Variants in BNC2 observed in about 807,000 individuals in gnomAD.
The protein encoded by BNC2 is basonuclin zinc finger protein 2, also known as zinc finger protein basonuclin-2.
Under a neutral mutation model 76.3 loss-of-function variants are expected in BNC2, and 20 were observed. That is an observed-to-expected ratio of 0.26 (90% CI 0.18 to 0.38). BNC2 has a LOEUF of 0.38. Ranked by LOEUF, BNC2 falls within the 10% of genes least tolerant of loss-of-function variation. The pLI, the probability that BNC2 is intolerant of heterozygous loss-of-function variation, is 1.00. For synonymous variants in BNC2, 582 were observed against 514.8 expected (o/e 1.13, Z -1.77); for missense variants, 1,382 against 1,399.8 (o/e 0.99, Z 0.20).
chr9:16,602,966 A>G (rs1358666733), intron 3 of BNC2, among the ~76,000 whole-genome samples: 3 of 152,240 alleles, frequency 2.0e-5, no homozygotes, highest in Non-Finnish European at 4.4e-5. Flanking sequence ...CTTACTGTAT[A>G]TATTAAAAGC....
At chr9:16,675,561 C>A (rs1563892914) in intron 3 of BNC2, among the ~76,000 whole-genome samples, 1 of 152,122 alleles carries the variant, frequency 6.6e-6, no homozygotes, top group South Asian at 2.1e-4. Flanking sequence ...CTGTGCCTGG[C>A]CTAATTTTCG....
chr9:16,845,763 C>T lies in BNC2; in HGVS notation c.3+24883G>A, dbSNP rs148155789. Among the ~76,000 whole-genome samples, 39 of 152,146 alleles carry T rather than the reference C, an allele frequency of 2.6e-4. 1 individual carries two copies. Among genetic ancestry groups the T allele is most frequent in the Admixed American group, 1.3e-3 (20 of 15,270 alleles). Reference sequence around the variant, plus strand: ...AAATAGGAAAATTATACCAAGAATCCAAACCCCACGTTCCAGAACACAAAA... The same window carrying T: ...AAATAGGAAAATTATACCAAGAATCTAAACCCCACGTTCCAGAACACAAAA... On this transcript the variant is annotated intron_variant, in intron 1 of 6. Transcript: ENST00000380672.
chr9:16,868,960 G>A (rs10962648), intron 1 of BNC2, among the ~76,000 whole-genome samples: 4 of 152,112 alleles, frequency 2.6e-5, no homozygotes, highest in Non-Finnish European at 4.4e-5. Context: ...TGAAATTGCA[G>A]AATACAAAGC....
chr9:16,446,179 C>T (rs1821227488), intron 5 of BNC2, among the ~76,000 whole-genome samples: 1 of 152,112 alleles, frequency 6.6e-6, no homozygotes, highest in South Asian at 2.1e-4. Flanking sequence ...AACTACTGAC[C>T]TTGGCTCACT....
chr9:16,633,034 G>C (rs894293878), intron 3 of BNC2, among the ~76,000 whole-genome samples: 1 of 152,076 alleles, frequency 6.6e-6, no homozygotes, highest in Non-Finnish European at 1.5e-5. Context: ...GCATGAAGAG[G>C]AGCCTATCTA....
intron 1 of BNC2, chr9:16,775,605 T>G: frequency 5.6e-6 from 1 of 178,828 alleles, no homozygotes; most frequent in Non-Finnish European, 1.3e-5. Context: ...GCTCAAGGAA[T>G]GGAAAGACCT....
intron 5 of BNC2, among the ~76,000 whole-genome samples, chr9:16,445,359 T>C (rs932763409): frequency 3.3e-5 from 5 of 152,200 alleles, no homozygotes; most frequent in Admixed American, 1.3e-4. Context: ...AGCTCTTTTA[T>C]GTGACTGTGC....
chr9:16,601,368 G>C (rs1472818719), intron 3 of BNC2, among the ~76,000 whole-genome samples: 2 of 152,294 alleles, frequency 1.3e-5, no homozygotes, highest in African/African-American at 4.8e-5. Flanking sequence ...TGTGGTACCA[G>C]AAGAGGCAGG....
rs1409933361 is a variant in BNC2 at position 16,417,338 on chromosome 9, G to A, written c.*1651C>T. ...CAAAACAAAACAAAAAAGGTTTGGAGAATAGTCTCTCTCCTCTTTCTCACT... is the reference window on the plus strand; with the variant it reads ...CAAAACAAAACAAAAAAGGTTTGGAAAATAGTCTCTCTCCTCTTTCTCACT... On this transcript the variant is annotated 3_prime_UTR_variant, in exon 7 of 7. Transcript: ENST00000380672. 6.6e-6 allele frequency: 1 copy of A among 152,498 alleles called. No homozygotes were observed. 9.4% of individuals were successfully genotyped at this position (152,498 alleles called of 1,614,324 possible).
intron 1 of BNC2, among the ~76,000 whole-genome samples, chr9:16,803,844 C>CT (rs1355206886): frequency 6.6e-6 from 1 of 152,232 alleles, no homozygotes; most frequent in East Asian, 1.9e-4. Flanking sequence ...TATCAGCACT[C>CT]TAAGGAGTGC....
At chr9:16,569,519 C>T (rs935768311) in intron 4 of BNC2, among the ~76,000 whole-genome samples, 2 of 152,072 alleles carry the variant, frequency 1.3e-5, no homozygotes, top group Non-Finnish European at 2.9e-5. Context: ...TGTGGCCTTA[C>T]GCATAATAAA....
At chr9:16,423,830 CT>C (rs1820753362) in intron 6 of BNC2, among the ~76,000 whole-genome samples, 1 of 152,182 alleles carries the variant, frequency 6.6e-6, no homozygotes, top group African/African-American at 2.4e-5. Flanking sequence ...CAAATGCTTC[CT>C]TTAAACCTCT....
chr9:16,834,399 T>C lies in BNC2; in HGVS notation c.3+36247A>G, dbSNP rs143687009. 7.4e-3 allele frequency among the ~76,000 whole-genome samples: 1,122 copies of C among 152,290 alleles called. 10 individuals are homozygous for C. Among genetic ancestry groups the C allele is most frequent in the Non-Finnish European group, 0.012 (802 of 68,026 alleles). ...AACTGTAGCCACTTAATACTCCTCC[T>C]TTCCCTGTGTTGGTAGCAATGACAG... On this transcript the variant is annotated intron_variant, in intron 1 of 6. Transcript: ENST00000380672.
At chr9:16,569,059 T>C (rs188996556) in intron 4 of BNC2, among the ~76,000 whole-genome samples, 2 of 150,738 alleles carry the variant, frequency 1.3e-5, no homozygotes, top group Non-Finnish European at 2.9e-5. Context: ...GCTAAAAGAG[T>C]TGATCCCCAA....
chr9:16,836,485 T>G (rs752281144), intron 1 of BNC2, among the ~76,000 whole-genome samples: 10 of 151,980 alleles, frequency 6.6e-5, no homozygotes, highest in Non-Finnish European at 1.5e-4. Context: ...GTCTTGATTT[T>G]TAAAACTTTG....
intron 1 of BNC2, chr9:16,867,649 A>T (rs574013279): frequency 6.6e-6 from 1 of 152,324 alleles, no homozygotes; most frequent in Non-Finnish European, 1.5e-5. Context: ...CCTTAATATA[A>T]GAAATATTCC....
chr9:16,444,609 C>A (rs952385514), intron 5 of BNC2, among the ~76,000 whole-genome samples: 8 of 152,016 alleles, frequency 5.3e-5, no homozygotes, highest in African/African-American at 1.7e-4. Flanking sequence ...AAACTTCTAG[C>A]TAGGGGTCAG....
At chr9:16,562,473 T>C (rs1003762927) in intron 4 of BNC2, among the ~76,000 whole-genome samples, 2 of 152,170 alleles carry the variant, frequency 1.3e-5, no homozygotes, top group Admixed American at 6.5e-5. Context: ...TTACCTAATT[T>C]CTTTCAGAAA....
chr9:16,459,264 G>C (rs1446433054), intron 5 of BNC2, among the ~76,000 whole-genome samples: 1 of 152,110 alleles, frequency 6.6e-6, no homozygotes, highest in Admixed American at 6.5e-5. Context: ...CTCTACAAAA[G>C]AGTTTCATGC....
Sources: allele counts gnomAD v4.1 joint callset (sites outside exome capture counted in the v4.1 genomes callset), GRCh38; gene constraint gnomAD v4.1.1; transcripts MANE v1.5; gene names NCBI Gene and HGNC (gene_info 2026-07-23, HGNC 2026-07-21).